FARP2: variants seen among roughly 807,000 people sequenced by gnomAD.
The protein encoded by FARP2 is FERM, ARH/RhoGEF and pleckstrin domain protein 2, also known as FERM, ARHGEF and pleckstrin domain-containing protein 2.
A neutral mutation model predicts 130.5 loss-of-function variants in FARP2; 111 were observed. That is an observed-to-expected ratio of 0.85 (90% CI 0.73 to 1.00). The LOEUF (loss-of-function observed/expected upper bound fraction) is 1.00, where lower values mean the gene tolerates loss of function less well. Ranked by LOEUF, FARP2 falls within the 50% of genes least tolerant of loss-of-function variation. The pLI is 0.00. For missense variants in FARP2, 1,385 were observed against 1,346.3 expected, an observed-to-expected ratio of 1.03 and a Z score of -0.45; for synonymous variants, 504 against 516.9, an observed-to-expected ratio of 0.98 and a Z score of 0.34.
At chr2:241,455,735 C>CTTTTTTTTTT (rs1180839402) in intron 13 of FARP2, among the ~76,000 whole-genome samples, 1 of 94,800 alleles carries the variant, frequency 1.1e-5, no homozygotes, top group Admixed American at 1.4e-4. Flanking sequence ...CTAAAGTTTT[C>CTTTTTTTTTT]TTTTTTTTTT....
intron 13 of FARP2, chr2:241,441,837 C>T (rs1285789592): frequency 5.6e-6 from 3 of 536,990 alleles, no homozygotes; most frequent in Middle Eastern, 4.0e-4. Flanking sequence ...CAGACATCTC[C>T]TTCTTTGCTG....
intron 11 of FARP2, among the ~76,000 whole-genome samples, chr2:241,435,908 ATT>A (rs34703186): frequency 4.8e-3 from 482 of 100,922 alleles, no homozygotes; most frequent in African/African-American, 0.017. Context: ...AGTATAGTAA[ATT>A]TTTTTTTTTT....
intron 12 of FARP2, among the ~76,000 whole-genome samples, chr2:241,440,176 G>C (rs867891366): frequency 6.6e-6 from 1 of 152,124 alleles, no homozygotes; most frequent in Non-Finnish European, 1.5e-5. Flanking sequence ...TTTACATATG[G>C]TAACACGTGC....
chr2:241,359,491 G>A (rs1405755393), intron 1 of FARP2, among the ~76,000 whole-genome samples: 1 of 152,124 alleles, frequency 6.6e-6, no homozygotes, highest in African/African-American at 2.4e-5. Flanking sequence ...ACCTCCCCTC[G>A]GGTGTCTCAG....
At chr2:241,413,931 A>T (rs1317096783) in intron 7 of FARP2, among the ~76,000 whole-genome samples, 1 of 147,860 alleles carries the variant, frequency 6.8e-6, no homozygotes, top group Non-Finnish European at 1.5e-5. Flanking sequence ...CCAGAGTGAA[A>T]CTCCGTCTCA....
In FARP2 at chr2:241,459,950, G is replaced by A. The variant is rs1432566951; in HGVS notation, c.1588-2573G>A. 2.0e-5 allele frequency among the ~76,000 whole-genome samples: 3 copies of A among 152,160 alleles called. No individual in the cohort carries two copies. Among genetic ancestry groups the A allele is most frequent in the African/African-American group, 7.2e-5 (3 of 41,422 alleles). On this transcript the variant is annotated intron_variant, in intron 14 of 26. Coordinates refer to ENST00000264042, the MANE Select transcript of FARP2 (RefSeq NM_014808.4). This position sits in a 1 kb window ranked among gnomAD's most constrained non-coding sequence, Gnocchi z 5.3. ...TCAGCGACTGCTGTGGCTCTCTGAT[G>A]GCGTATGTGTCTCTATGTGCCTCGC...
chr2:241,390,551 G>T (rs908173953), intron 2 of FARP2, among the ~76,000 whole-genome samples: 4 of 152,078 alleles, frequency 2.6e-5, no homozygotes, highest in African/African-American at 9.7e-5. Flanking sequence ...GTTGAGGTTC[G>T]GTTTCTGGAG....
In FARP2 at chr2:241,459,432, G is replaced by T. The variant is rs1412064299; in HGVS notation, c.1587+2510G>T. 6.6e-6 allele frequency among the ~76,000 whole-genome samples: 1 copy of T among 152,196 alleles called. No homozygotes were observed. The highest frequency in any genetic ancestry group is 1.9e-4 in the East Asian group (1 of 5,174). Reference sequence around the variant, plus strand: ...ACCCAGTTGCTGGGCTGTGCGGGGAGGGGCAAAGAGCTGCCCACCCTCCAG... The same window carrying T: ...ACCCAGTTGCTGGGCTGTGCGGGGATGGGCAAAGAGCTGCCCACCCTCCAG... On this transcript the variant is annotated intron_variant, in intron 14 of 26. Coordinates refer to ENST00000264042, the MANE Select transcript of FARP2 (RefSeq NM_014808.4). This position sits in a 1 kb window ranked among gnomAD's most constrained non-coding sequence, Gnocchi z 5.3.
At chr2:241,442,128 T>C (rs1393977481) in intron 13 of FARP2, 3 of 420,368 alleles carry the variant, frequency 7.1e-6, no homozygotes, top group Non-Finnish European at 1.5e-5. Flanking sequence ...TGGGTCCTTC[T>C]GAGACCAGCT....
chr2:241,433,155 T>A lies in FARP2; in HGVS notation c.868-1003T>A, dbSNP rs376502661. On this transcript the variant is annotated intron_variant, in intron 9 of 26. Transcript: ENST00000264042. ...AAAAAAAAAAAAAGTTTCCTGCAGTTATTCGAGATGATAGGGAAAGTTCAC... is the reference window on the plus strand; with the variant it reads ...AAAAAAAAAAAAAGTTTCCTGCAGTAATTCGAGATGATAGGGAAAGTTCAC... 7.2e-4 allele frequency among the ~76,000 whole-genome samples: 109 copies of A among 152,212 alleles called. 3 individuals are homozygous for A. The South Asian group carries it at 0.022, about 30-fold the overall frequency.
chr2:241,382,298 T>C (rs1354487026), intron 2 of FARP2, among the ~76,000 whole-genome samples: 10 of 148,608 alleles, frequency 6.7e-5, no homozygotes, highest in Non-Finnish European at 1.3e-4. Context: ...ATCTATTTTT[T>C]TTTTTTTTTT....
intron 8 of FARP2, among the ~76,000 whole-genome samples, chr2:241,419,588 G>A (rs1425245586): frequency 6.6e-6 from 1 of 152,100 alleles, no homozygotes; most frequent in Non-Finnish European, 1.5e-5. Context: ...GAAAGATGAG[G>A]ATAGCAGCAA....
rs192949940 is a variant in FARP2 at position 241,456,642 on chromosome 2, G to A, written c.1412-105G>A. 3.5e-3 allele frequency: 3,715 copies of A among 1,076,640 alleles called. 10 individuals are homozygous for A. Among genetic ancestry groups the A allele is most frequent in the Non-Finnish European group, 4.3e-3 (3,071 of 709,698 alleles). 66.7% of individuals were successfully genotyped at this position (1,076,640 alleles called of 1,614,324 possible). A position where few individuals can be genotyped will look rare whatever the true frequency, so the allele number is the denominator to read the frequency against. On this transcript the variant is annotated intron_variant, in intron 13 of 26. Coordinates refer to ENST00000264042, the MANE Select transcript of FARP2 (RefSeq NM_014808.4). Reference sequence around the variant, plus strand: ...CATTTTACAGGAAGCGCCTGGCACTGTGTGAGGCTGGCGGTTGAATGGTCA... The same window carrying A: ...CATTTTACAGGAAGCGCCTGGCACTATGTGAGGCTGGCGGTTGAATGGTCA...
intron 2 of FARP2, among the ~76,000 whole-genome samples, chr2:241,390,536 C>A (rs544812730): frequency 1.3e-5 from 2 of 152,278 alleles, no homozygotes; most frequent in Non-Finnish European, 2.9e-5. Flanking sequence ...TTGTTTGGGC[C>A]TCCTGTTGAG....
intron 4 of FARP2, among the ~76,000 whole-genome samples, chr2:241,406,249 A>G (rs1178335701): frequency 6.6e-6 from 1 of 151,928 alleles, no homozygotes; most frequent in Non-Finnish European, 1.5e-5. Flanking sequence ...CGGAGCTTGC[A>G]GTGAGCCGAG....
intron 1 of FARP2, among the ~76,000 whole-genome samples, chr2:241,366,098 A>ATATAT (rs2061297612): frequency 4.5e-3 from 2 of 444 alleles, no homozygotes. Flanking sequence ...CTACTAAAAA[A>ATATAT]AAAAAAATAT....
At chr2:241,360,516 T>C (rs891182857) in intron 1 of FARP2, among the ~76,000 whole-genome samples, 1 of 151,606 alleles carries the variant, frequency 6.6e-6, no homozygotes, top group Non-Finnish European at 1.5e-5. Flanking sequence ...CTACTAAAAA[T>C]ACAAAAAATG....
At chr2:241,407,167 C>CTA (rs750143765) in intron 4 of FARP2, among the ~76,000 whole-genome samples, 136 of 152,110 alleles carry the variant, frequency 8.9e-4, no homozygotes, top group Non-Finnish European at 1.4e-3. Flanking sequence ...TTTTAAAATT[C>CTA]TATATATATA....
chr2:241,471,324 G>C (rs2064299435), intron 18 of FARP2: 1 of 151,698 alleles, frequency 6.6e-6, no homozygotes, highest in Non-Finnish European at 1.5e-5. Context: ...ATTCTGAGGG[G>C]ATGCTGATCT....
Sources: gnomAD v4.1 joint callset for allele counts (sites outside exome capture counted in the v4.1 genomes callset) on GRCh38, gnomAD v4.1.1 for gene constraint, Gnocchi (gnomAD v3.1) non-coding constraint, MANE v1.5 for transcripts, NCBI Gene and HGNC (gene_info 2026-07-23, HGNC 2026-07-21) for gene names.